ITGB5: variants seen among roughly 807,000 people sequenced by gnomAD.
The protein encoded by ITGB5 is integrin beta-5.
In ITGB5, 38 loss-of-function variants were observed where a neutral mutation model predicts 84.8. That is an observed-to-expected ratio of 0.45 (90% CI 0.35 to 0.59). The LOEUF (loss-of-function observed/expected upper bound fraction) is 0.59, where lower values mean the gene tolerates loss of function less well. ITGB5 is among the 20% of genes least tolerant of loss of function. ITGB5 has a pLI of 0.01. For missense variants in ITGB5, 905 were observed against 1,034.5 expected (o/e 0.87, Z 1.72); for synonymous variants, 393 against 414.4 (o/e 0.95, Z 0.63).
chr3:124,821,559 G>T, intron 5 of ITGB5, 85 bp from the exon 6 acceptor site: 1 of 1,437,542 alleles, frequency 7.0e-7, no homozygotes, highest in Non-Finnish European at 9.6e-7. Flanking sequence ...CTCTCCAGGA[G>T]TCACGGCCTG....
intron 3 of ITGB5, among the ~76,000 whole-genome samples, chr3:124,852,289 T>C (rs1453170751): frequency 6.6e-6 from 1 of 152,136 alleles, no homozygotes; most frequent in Non-Finnish European, 1.5e-5. Flanking sequence ...CATGTATCCC[T>C]GTAGCTATAT....
chr3:124,790,564 G>T (rs996679949), intron 10 of ITGB5, among the ~76,000 whole-genome samples: 9 of 152,206 alleles, frequency 5.9e-5, no homozygotes, highest in Non-Finnish European at 1.0e-4. Flanking sequence ...TGACTAGACA[G>T]GGTTAACAGA....
At chr3:124,900,680 T>C (rs919498829) in intron 1 of ITGB5, among the ~76,000 whole-genome samples, 1 of 152,184 alleles carries the variant, frequency 6.6e-6, no homozygotes, top group Non-Finnish European at 1.5e-5. Flanking sequence ...GGATTGTCAA[T>C]TAATGGCAAA....
At chr3:124,889,727 T>C (rs890576327), upstream of ITGB5, among the ~76,000 whole-genome samples, 21 of 152,190 alleles carry the variant, frequency 1.4e-4, no homozygotes, top group Non-Finnish European at 1.5e-5. Context: ...TGATTATAAA[T>C]AATGGGGCCA....
intron 8 of ITGB5, among the ~76,000 whole-genome samples, chr3:124,815,638 AT>A (rs2064577767): frequency 6.6e-6 from 1 of 152,084 alleles, no homozygotes; most frequent in Non-Finnish European, 1.5e-5. Flanking sequence ...CTGGCTCTTG[AT>A]TTGGTTCTCT....
chr3:124,869,099 T>G (rs1045831483), intron 2 of ITGB5, among the ~76,000 whole-genome samples: 6 of 152,314 alleles, frequency 3.9e-5, no homozygotes, highest in African/African-American at 7.2e-5. Flanking sequence ...CCCCATGGAA[T>G]GTACCATGGG....
At chr3:124,766,074 A>G in intron 13 of ITGB5, 152 bp downstream of exon 13, 1 of 814,468 alleles carries the variant, frequency 1.2e-6, no homozygotes, top group African/African-American at 1.8e-5. Flanking sequence ...AAAAAAAAAA[A>G]AAGAAAAAGA....
intron 10 of ITGB5, among the ~76,000 whole-genome samples, chr3:124,780,245 C>T (rs919754630): frequency 1.3e-5 from 2 of 152,060 alleles, no homozygotes; most frequent in Admixed American, 1.3e-4. Flanking sequence ...CACCCCCAAA[C>T]GCCACTCTGG....
In ITGB5 at chr3:124,861,481, C is replaced by CATAT. The variant is rs771303161; in HGVS notation, c.157-2039_157-2036dup. On this transcript the variant is annotated intron_variant, in intron 2 of 14. Coordinates refer to ENST00000296181, the MANE Select transcript of ITGB5 (RefSeq NM_002213.5). ...ACTTTGTTAAAAAAACAAAACAAAA[C>CATAT]ATATATATATATATACACACACACA... Among the ~76,000 whole-genome samples the CATAT allele has an allele frequency of 1.2e-3, 136 of 117,806 alleles. 1 individual carries two copies. Among genetic ancestry groups the CATAT allele is most frequent in the African/African-American group, 4.1e-3 (123 of 29,870 alleles). The allele number at this position is 117,806 out of a possible 152,430, so 77.3% of individuals were successfully genotyped here. A position where few individuals can be genotyped will look rare whatever the true frequency, so the allele number is the denominator to read the frequency against.
At chr3:124,857,649 G>C (rs371065165) in intron 3 of ITGB5, among the ~76,000 whole-genome samples, 1 of 152,178 alleles carries the variant, frequency 6.6e-6, no homozygotes, top group Admixed American at 6.5e-5. Flanking sequence ...TCCCAATAGC[G>C]TAATACTTTC....
intron 5 of ITGB5, among the ~76,000 whole-genome samples, chr3:124,831,513 A>G (rs1417100925): frequency 1.3e-5 from 2 of 152,156 alleles, no homozygotes; most frequent in Non-Finnish European, 2.9e-5. Context: ...GAAGGCCCAG[A>G]CCACCAATTC....
At position 124,783,790 on chromosome 3, in the gene ITGB5, C is replaced by T. The variant is rs144430367; in HGVS notation, c.1694-9878G>A. On this transcript the variant is annotated intron_variant, in intron 10 of 14. Transcript: ENST00000296181. ...AACATGGTTGTGGTCACACTGAAAT[C>T]GCAGCCTTGCATCTCCCACTTTTCT... Among the ~76,000 whole-genome samples the T allele has an allele frequency of 5.0e-3, 756 of 152,340 alleles. 5 individuals carry two copies. The highest frequency in any genetic ancestry group is 0.019 in the South Asian group (94 of 4,824).
upstream of ITGB5, among the ~76,000 whole-genome samples, chr3:124,891,671 C>T (rs948145657): frequency 6.6e-6 from 1 of 151,456 alleles, no homozygotes; most frequent in African/African-American, 2.4e-5. Context: ...GCCTGTAATC[C>T]CAACACTTTG....
At chr3:124,852,641 A>G (rs1307085415) in intron 3 of ITGB5, among the ~76,000 whole-genome samples, 1 of 152,168 alleles carries the variant, frequency 6.6e-6, no homozygotes, top group Non-Finnish European at 1.5e-5. Flanking sequence ...TTAGGGATAT[A>G]TATCAAATGA....
chr3:124,777,074 C>T (rs1316141860), intron 10 of ITGB5, among the ~76,000 whole-genome samples: 1 of 152,024 alleles, frequency 6.6e-6, no homozygotes, highest in Non-Finnish European at 1.5e-5. Context: ...CACAGCCTAG[C>T]CCAAGGTCAG....
At chr3:124,869,186 A>G (rs2065439858) in intron 2 of ITGB5, among the ~76,000 whole-genome samples, 1 of 152,124 alleles carries the variant, frequency 6.6e-6, no homozygotes, top group African/African-American at 2.4e-5. Flanking sequence ...CACACACATC[A>G]CATGCTTATT....
rs200589263 is a variant in ITGB5, at chr3:124,859,312, C to G, written c.291G>C (p.Lys97Asn). 6.2e-7 allele frequency: 1 copy of G among 1,614,158 alleles called. No individual in the cohort carries two copies. The highest frequency in any genetic ancestry group is 2.2e-5 in the East Asian group (1 of 44,878). ...HVLRSLPLSS[K>N]GSGSAGWDVI... ...CGTCCCAGCCTGCAGAGCCCGAACC[C>G]TTGCTGCTGAGGGGCAGGCTCCTCA... is the stretch of plus-strand genomic sequence containing the variant. Residue 97 changes from lysine (K) to asparagine (N), a missense_variant, in exon 3 of 15, where the codon AAG becomes AAC. Lys to Asn is a moderately conservative substitution (Grantham distance 94, BLOSUM62 0). This residue lies in a region of ITGB5 where 656 missense variants were observed against 734.7 expected (regional missense o/e 0.89). Transcript: ENST00000296181.
chr3:124,889,054 A>T (rs2107658267), upstream of ITGB5, among the ~76,000 whole-genome samples: 1 of 152,334 alleles, frequency 6.6e-6, no homozygotes, highest in South Asian at 2.1e-4. Context: ...CAAGCTGGGA[A>T]CCGTGTCAGG....
At chr3:124,888,543 C>T (rs1934922648), upstream of ITGB5, among the ~76,000 whole-genome samples, 1 of 152,122 alleles carries the variant, frequency 6.6e-6, no homozygotes, top group Non-Finnish European at 1.5e-5. Context: ...GAATACCTAC[C>T]AAGTACAGAG....
Sources: gnomAD v4.1 joint callset for allele counts (sites outside exome capture counted in the v4.1 genomes callset) on GRCh38, gnomAD v4.1.1 for gene constraint, gnomAD v4.1.1 regional missense constraint, MANE v1.5 for transcripts, NCBI Gene and HGNC (gene_info 2026-07-23, HGNC 2026-07-21) for gene names.